MAP3K5: variants seen among roughly 807,000 people sequenced by gnomAD.
MAP3K5 encodes ASK-1.
In MAP3K5, 56 loss-of-function variants were observed where a neutral mutation model predicts 158.7. The ratio of observed to expected loss-of-function variants is 0.35; its 90% confidence interval spans 0.28 to 0.44. MAP3K5 has a LOEUF of 0.44. Ranked by LOEUF, MAP3K5 falls within the 20% of genes least tolerant of loss-of-function variation. The pLI is 1.00. For synonymous variants in MAP3K5, 579 were observed against 601.7 expected (o/e 0.96, Z 0.55); for missense variants, 1,294 against 1,674.8 (o/e 0.77, Z 3.97).
At chr6:136,630,548 C>T (rs757187888) in intron 14 of MAP3K5, among the ~76,000 whole-genome samples, 1 of 152,152 alleles carries the variant, frequency 6.6e-6, no homozygotes, top group African/African-American at 2.4e-5. Context: ...ATTTCTTTTG[C>T]GGACATAAGC....
chr6:136,660,564 A>G (rs1171430719), intron 8 of MAP3K5, among the ~76,000 whole-genome samples: 1 of 152,142 alleles, frequency 6.6e-6, no homozygotes, highest in African/African-American at 2.4e-5. Context: ...TTAATGTTTC[A>G]TTATATATTT....
intron 11 of MAP3K5, among the ~76,000 whole-genome samples, chr6:136,645,840 G>T (rs1038126061): frequency 6.6e-6 from 1 of 152,090 alleles, no homozygotes; most frequent in Admixed American, 6.6e-5. Context: ...ATAGTGAGAG[G>T]AGTGACTAAA....
chr6:136,733,735 A>G (rs936289223), intron 1 of MAP3K5, among the ~76,000 whole-genome samples: 5 of 151,368 alleles, frequency 3.3e-5, no homozygotes, highest in African/African-American at 7.4e-5. Flanking sequence ...AGCCTCCCCC[A>G]TTGTCAACAT....
At chr6:136,655,590 G>A (rs536027800) in intron 10 of MAP3K5, among the ~76,000 whole-genome samples, 1 of 152,334 alleles carries the variant, frequency 6.6e-6, no homozygotes, top group South Asian at 2.1e-4. Flanking sequence ...CTTTGATGTG[G>A]AAAGAAATTT....
At chr6:136,580,001 G>A (rs1774798407) in intron 25 of MAP3K5, among the ~76,000 whole-genome samples, 1 of 152,154 alleles carries the variant, frequency 6.6e-6, no homozygotes. Flanking sequence ...TGTGTTTTGT[G>A]GTCCAGATAT....
At chr6:136,734,633 T>C (rs1782376964) in intron 1 of MAP3K5, among the ~76,000 whole-genome samples, 1 of 152,204 alleles carries the variant, frequency 6.6e-6, no homozygotes, top group African/African-American at 2.4e-5. Context: ...CTATTTTAAT[T>C]AGATACTGAA....
chr6:136,630,304 GGCC>G (rs78084874), intron 14 of MAP3K5: 3,545 of 152,258 alleles, frequency 0.023, 146 homozygotes, highest in East Asian at 0.15. Context: ...AGCAGAGTTG[GGCC>G]CGATTAAGAC....
intron 1 of MAP3K5, among the ~76,000 whole-genome samples, chr6:136,764,877 T>C (rs1261304506): frequency 6.6e-6 from 1 of 152,220 alleles, no homozygotes; most frequent in Non-Finnish European, 1.5e-5. Flanking sequence ...CCCTAATTGA[T>C]GTGTTTGTCT....
At chr6:136,773,571 T>G (rs1436431835) in intron 1 of MAP3K5, among the ~76,000 whole-genome samples, 1 of 152,230 alleles carries the variant, frequency 6.6e-6, no homozygotes, top group Non-Finnish European at 1.5e-5. Flanking sequence ...TCATCTGTTG[T>G]GCCATCTTAC....
chr6:136,693,860 C>T (rs1202882317), intron 7 of MAP3K5, among the ~76,000 whole-genome samples: 3 of 152,064 alleles, frequency 2.0e-5, no homozygotes, highest in Non-Finnish European at 4.4e-5. Flanking sequence ...TGGTGGCGGG[C>T]ACCTGTAATC....
At chr6:136,632,580 G>C (rs1265294262) in intron 14 of MAP3K5, among the ~76,000 whole-genome samples, 1 of 152,166 alleles carries the variant, frequency 6.6e-6, no homozygotes. Context: ...ATCTGTATGA[G>C]AGATTTCTCT....
At chr6:136,656,189 A>G (rs1778736638) in intron 10 of MAP3K5, 118 bp downstream of exon 10, 3 of 768,416 alleles carry the variant, frequency 3.9e-6, no homozygotes, top group African/African-American at 1.7e-5. Flanking sequence ...TAAAGATATT[A>G]ACCAGATGAC....
At chr6:136,682,661 CT>C (rs1241864033) in intron 7 of MAP3K5, among the ~76,000 whole-genome samples, 1 of 152,108 alleles carries the variant, frequency 6.6e-6, no homozygotes, top group Non-Finnish European at 1.5e-5. Context: ...GGCTATGGAT[CT>C]TTTTTGGCAT....
intron 21 of MAP3K5, among the ~76,000 whole-genome samples, chr6:136,600,421 T>C (rs1002909418): frequency 6.6e-6 from 1 of 152,094 alleles, no homozygotes; most frequent in African/African-American, 2.4e-5. Flanking sequence ...ATTGAATTCC[T>C]GAGCTCAAGC....
chr6:136,607,916 T>C (rs1425276564), intron 18 of MAP3K5, among the ~76,000 whole-genome samples: 2 of 152,198 alleles, frequency 1.3e-5, no homozygotes, highest in Non-Finnish European at 2.9e-5. Context: ...TGACATGTTA[T>C]GACCAAAAAA....
At chr6:136,751,974 G>A (rs1326919831) in intron 1 of MAP3K5, among the ~76,000 whole-genome samples, 5 of 152,166 alleles carry the variant, frequency 3.3e-5, no homozygotes, top group Admixed American at 2.0e-4. Flanking sequence ...AACATCTCTG[G>A]TATTATTTTT....
chr6:136,704,702 C>T (rs998965187), intron 3 of MAP3K5, among the ~76,000 whole-genome samples: 5 of 152,100 alleles, frequency 3.3e-5, no homozygotes, highest in Admixed American at 1.3e-4. Context: ...CATGCTACCA[C>T]ACCTGGCTAA....
chr6:136,568,405 G>A (rs115479134), intron 25 of MAP3K5, among the ~76,000 whole-genome samples: 52 of 152,272 alleles, frequency 3.4e-4, no homozygotes, highest in African/African-American at 1.0e-3. Flanking sequence ...AATGCCACAC[G>A]CAGGCTGATA....
At chr6:136,756,548 C>T (rs1196894270) in intron 1 of MAP3K5, among the ~76,000 whole-genome samples, 1 of 152,132 alleles carries the variant, frequency 6.6e-6, no homozygotes, top group African/African-American at 2.4e-5. Flanking sequence ...TCCCTGCAAC[C>T]TCCGCCTCCC....
Sources: allele counts gnomAD v4.1 joint callset (sites outside exome capture counted in the v4.1 genomes callset), GRCh38; gene constraint gnomAD v4.1.1; transcripts MANE v1.5; gene names NCBI Gene and HGNC (gene_info 2026-07-23, HGNC 2026-07-21).